The following CAMK2D variants were observed in gnomAD, a reference collection of about 807,000 sequenced individuals.
CAMK2D encodes calcium/calmodulin-dependent protein kinase type II subunit delta.
A neutral mutation model predicts 84.0 loss-of-function variants in CAMK2D; 37 were observed. The ratio of observed to expected loss-of-function variants is 0.44; its 90% confidence interval spans 0.34 to 0.58. The LOEUF (loss-of-function observed/expected upper bound fraction) is 0.58, where lower values mean the gene tolerates loss of function less well. CAMK2D is among the 20% of genes least tolerant of loss of function. The pLI is 0.02. For synonymous variants in CAMK2D, 202 were observed against 212.5 expected (o/e 0.95, Z 0.43); for missense variants, 448 against 652.5 (o/e 0.69, Z 3.41).
At chr4:113,576,774 A>G (rs2098785012) in intron 4 of CAMK2D, among the ~76,000 whole-genome samples, 1 of 152,162 alleles carries the variant, frequency 6.6e-6, no homozygotes, top group Admixed American at 6.6e-5. Context: ...TTTGTTAACT[A>G]CATGTTTTAA....
At chr4:113,736,635 T>A (rs1424588691) in intron 2 of CAMK2D, among the ~76,000 whole-genome samples, 1 of 152,180 alleles carries the variant, frequency 6.6e-6, no homozygotes, top group East Asian at 1.9e-4. Context: ...GCACTCCATA[T>A]CACTGCAATG....
intron 2 of CAMK2D, among the ~76,000 whole-genome samples, chr4:113,749,024 C>T (rs1210787202): frequency 6.6e-6 from 1 of 151,590 alleles, no homozygotes; most frequent in Non-Finnish European, 1.5e-5. Flanking sequence ...TACAAAACTG[C>T]CAAAATGTAC....
At chr4:113,759,016 T>A (rs971594297) in intron 2 of CAMK2D, 8 of 174,882 alleles carry the variant, frequency 4.6e-5, no homozygotes, top group Non-Finnish European at 9.6e-5. Context: ...AAAGTTGTTT[T>A]ATACTTAAAC....
chr4:113,526,565 T>G (rs1433813461), intron 8 of CAMK2D, among the ~76,000 whole-genome samples: 1 of 152,062 alleles, frequency 6.6e-6, no homozygotes, highest in Non-Finnish European at 1.5e-5. Flanking sequence ...TTTTCCCTCT[T>G]CCAGACAAGA....
chr4:113,465,466 T>C (rs1357833237), intron 17 of CAMK2D, 63 bp downstream of exon 17: 1 of 881,120 alleles, frequency 1.1e-6, no homozygotes, highest in Non-Finnish European at 1.9e-6. Flanking sequence ...TGTTGAATAA[T>C]GCATTCATAT....
At chr4:113,757,364 T>C (rs1374594014) in intron 2 of CAMK2D, among the ~76,000 whole-genome samples, 1 of 152,114 alleles carries the variant, frequency 6.6e-6, no homozygotes, top group East Asian at 1.9e-4. Flanking sequence ...AAGGGTTCTG[T>C]TATTACTGCT....
At chr4:113,483,498 C>T (rs527926747) in intron 16 of CAMK2D, among the ~76,000 whole-genome samples, 10 of 151,972 alleles carry the variant, frequency 6.6e-5, no homozygotes, top group African/African-American at 1.7e-4. Flanking sequence ...CTCCGCCTCC[C>T]GGGTTCAAGC....
At chr4:113,609,252 C>T (rs113852723) in intron 3 of CAMK2D, 46 bp from the exon 4 acceptor site, 38 of 986,146 alleles carry the variant, frequency 3.9e-5, no homozygotes, top group Middle Eastern at 2.1e-4. Flanking sequence ...CCTATTCCAA[C>T]GATCAACGTT....
chr4:113,626,597 G>A (rs1254213793), intron 3 of CAMK2D, among the ~76,000 whole-genome samples: 1 of 152,150 alleles, frequency 6.6e-6, no homozygotes, highest in Non-Finnish European at 1.5e-5. Context: ...ATAGCCCAAG[G>A]AAGAATAGAA....
intron 4 of CAMK2D, among the ~76,000 whole-genome samples, chr4:113,560,975 G>A (rs1212816115): frequency 6.6e-6 from 1 of 152,052 alleles, no homozygotes; most frequent in Non-Finnish European, 1.5e-5. Context: ...TCATAGAGGA[G>A]GTGCTATCCA....
At chr4:113,511,517 G>T (rs1228913618) in intron 12 of CAMK2D, among the ~76,000 whole-genome samples, 2 of 152,058 alleles carry the variant, frequency 1.3e-5, no homozygotes, top group African/African-American at 4.8e-5. Flanking sequence ...TAAATGTGAA[G>T]ATTTTTTAAA....
chr4:113,459,918 C>T (rs1349036568), intron 18 of CAMK2D, among the ~76,000 whole-genome samples: 1 of 152,122 alleles, frequency 6.6e-6, no homozygotes, highest in Non-Finnish European at 1.5e-5. Flanking sequence ...AGCCACAGTG[C>T]CCAGTCAACA....
intron 1 of CAMK2D, 33 bp from the exon 2 acceptor site, chr4:113,759,447 A>T: frequency 8.0e-7 from 1 of 1,244,526 alleles, no homozygotes; most frequent in Non-Finnish European, 1.1e-6. Context: ...TCATTAATAT[A>T]ACAGATATAA....
intron 2 of CAMK2D, among the ~76,000 whole-genome samples, chr4:113,709,677 T>C (rs1419357966): frequency 6.9e-6 from 1 of 145,116 alleles, no homozygotes; most frequent in Admixed American, 7.1e-5. Flanking sequence ...ATAAACAATA[T>C]TCCAATCTGC....
rs1279524304 is a variant in CAMK2D, at chr4:113,452,360, C to G, written c.*2185G>C. The G allele has an allele frequency of 6.6e-6, 1 of 152,218 alleles. No homozygotes were observed. Among genetic ancestry groups the G allele is most frequent in the Non-Finnish European group, 1.5e-5 (1 of 68,036 alleles). 9.4% of individuals were successfully genotyped at this position (152,218 alleles called of 1,614,324 possible). A position where few individuals can be genotyped will look rare whatever the true frequency, so the allele number is the denominator to read the frequency against. On this transcript the variant is annotated 3_prime_UTR_variant, in exon 21 of 21. Coordinates refer to ENST00000511664, the MANE Select transcript of CAMK2D (RefSeq NM_001321571.2). ...ACACACTGCCCTTGACACTGGCCAG[C>G]ACTATGCAGGCATACATACAGTACC...
At chr4:113,689,859 A>G (rs1246763365) in intron 2 of CAMK2D, among the ~76,000 whole-genome samples, 1 of 152,214 alleles carries the variant, frequency 6.6e-6, no homozygotes, top group East Asian at 1.9e-4. Context: ...CATTCCCACT[A>G]GAACACTAAC....
At chr4:113,489,527 A>C (rs1590047802) in intron 16 of CAMK2D, among the ~76,000 whole-genome samples, 1 of 151,316 alleles carries the variant, frequency 6.6e-6, no homozygotes, top group Non-Finnish European at 1.5e-5. Flanking sequence ...ACATTTTCTT[A>C]ATCCAGTCTA....
chr4:113,464,101 T>C (rs1161188468), intron 17 of CAMK2D, among the ~76,000 whole-genome samples: 1 of 152,240 alleles, frequency 6.6e-6, no homozygotes, highest in Non-Finnish European at 1.5e-5. Context: ...TTTTATTCCA[T>C]GGTGGAGGAA....
At chr4:113,580,086 T>A (rs1389587413) in intron 4 of CAMK2D, among the ~76,000 whole-genome samples, 2 of 152,228 alleles carry the variant, frequency 1.3e-5, no homozygotes. Flanking sequence ...TCATTTTTTC[T>A]AAACAAAAGT....
Sources: allele counts gnomAD v4.1 joint callset (sites outside exome capture counted in the v4.1 genomes callset), GRCh38; gene constraint gnomAD v4.1.1; transcripts MANE v1.5; gene names NCBI Gene and HGNC (gene_info 2026-07-23, HGNC 2026-07-21).